PSRC1: variants seen among roughly 807,000 people sequenced by gnomAD.
The protein encoded by PSRC1 is proline and serine rich coiled-coil 1.
Under a neutral mutation model 31.9 loss-of-function variants are expected in PSRC1, and 30 were observed. The observed-to-expected ratio is 0.94, with a 90% CI of 0.70 to 1.28. PSRC1 has a LOEUF of 1.28. Among genes scored for constraint, PSRC1 ranks in the 50% most tolerant of loss-of-function variants. The pLI is 0.00. For missense variants in PSRC1, 481 were observed against 472.8 expected, an observed-to-expected ratio of 1.02 and a Z score of -0.16; for synonymous variants, 191 against 192.1, an observed-to-expected ratio of 0.99 and a Z score of 0.05.
chr1:109,281,949 C>A, exon 4 of PSRC1: 15 of 1,563,250 alleles, frequency 9.6e-6, no homozygotes, highest in Non-Finnish European at 1.2e-5. Context: ...CTAGGCTGAG[C>A]CTCACACCCT....
In PSRC1 at chr1:109,280,160, A is replaced by G; in HGVS notation, c.1089-4T>C. On this transcript the variant is annotated splice_region_variant and splice_polypyrimidine_tract_variant and intron_variant, in intron 6 of 6. Transcript: ENST00000409138. ...CTTGCTGTCCTGATCTCTTTACCTA[A>G]AGAAATAGAAGGAATAACTGCTTTA... 1 of 1,613,454 alleles carries G rather than the reference A, an allele frequency of 6.2e-7. No individual in the cohort carries two copies. Among genetic ancestry groups the G allele is most frequent in the Non-Finnish European group, 8.5e-7 (1 of 1,179,936 alleles).
Position 109,280,844 on chromosome 1 carries a change from CAG to C in PSRC1, c.925_926del (p.Leu309ValfsTer66). 2 of 1,612,076 alleles carry C rather than the reference CAG, an allele frequency of 1.2e-6. No individual in the cohort carries two copies. Among genetic ancestry groups the C allele is most frequent in the Non-Finnish European group, 1.7e-6 (2 of 1,178,586 alleles). On this transcript the variant is annotated frameshift_variant, in exon 5 of 7. Coordinates refer to ENST00000409138, the Ensembl canonical transcript of PSRC1. LOFTEE classifies it high-confidence loss of function. ...GTCTTGGAAGCCCTTTTCGAGTTGA[CAG>C]AGAATCCGGAGGTAGGGCACCTCTG...
intron 1 of PSRC1, 138 bp downstream of exon 1, chr1:109,282,925 C>T (rs1657428602): frequency 1.6e-6 from 1 of 613,698 alleles, no homozygotes; most frequent in East Asian, 2.8e-5. Flanking sequence ...CCCAGATTGC[C>T]CTGGAGCCGC....
intron 3 of PSRC1, 53 bp downstream of exon 3, chr1:109,282,465 C>G (rs2101404756): frequency 3.9e-6 from 6 of 1,533,692 alleles, no homozygotes; most frequent in Non-Finnish European, 5.4e-6. Context: ...GTAAGGGATT[C>G]GAGACAAAGA....
intron 5 of PSRC1, 130 bp downstream of exon 6, chr1:109,280,647 C>A: frequency 1.0e-6 from 1 of 968,096 alleles, no homozygotes; most frequent in Non-Finnish European, 1.5e-6. Context: ...CCCATATCCT[C>A]TCTGTAACTC....
exon 4 of PSRC1, chr1:109,281,890 C>A: frequency 6.2e-7 from 1 of 1,611,510 alleles, no homozygotes; most frequent in Middle Eastern, 1.7e-4. Flanking sequence ...AGCGGCCAGC[C>A]GGTTGGCCTC....
rs762396419 is a variant in PSRC1, at chr1:109,279,886, A to ACCT, written c.*266_*267insAGG. On this transcript the variant is annotated 3_prime_UTR_variant, in exon 7 of 7. Transcript: ENST00000409138. ...GACAAACCACTTGCCTGTACTTCTCATCTTCTATTTGTTCATTTCACTGCT... is the reference window on the plus strand; with the variant it reads ...GACAAACCACTTGCCTGTACTTCTCACCTTCTTCTATTTGTTCATTTCACTGCT... The ACCT allele has an allele frequency of 8.8e-4, 479 of 541,598 alleles. 6 individuals carry two copies. The highest frequency in any genetic ancestry group is 1.5e-4 in the Non-Finnish European group (44 of 300,216). 33.5% of individuals were successfully genotyped at this position (541,598 alleles called of 1,614,324 possible).
intron 4 of PSRC1, 54 bp from the exon 5 acceptor site, chr1:109,281,305 T>A: frequency 7.1e-7 from 1 of 1,417,180 alleles, no homozygotes; most frequent in Non-Finnish European, 9.5e-7. Flanking sequence ...ATATCTGTTC[T>A]GTGGCTTAAG....
chr1:109,282,376 GC>G, intron 3 of PSRC1, 141 bp downstream of exon 3: 1 of 716,062 alleles, frequency 1.4e-6, no homozygotes. Context: ...TGTCATAGAG[GC>G]CCGAGTCAGC....
chr1:109,282,593 A>G lies in PSRC1; in HGVS notation c.20-18T>C, dbSNP rs773871765. On this transcript the variant is annotated intron_variant, in intron 2 of 6. Transcript: ENST00000409138. The stretch of plus-strand genomic sequence containing the variant: ...CCTTACATCTGAAGGGGAAAGAAGA[A>G]TGAAAGCCAGTCATGGGTCCCTGAT... 6.2e-7 allele frequency: 1 copy of G among 1,613,530 alleles called. No individual in the cohort carries two copies. The highest frequency in any genetic ancestry group is 8.5e-7 in the Non-Finnish European group (1 of 1,179,892).
chr1:109,281,963 G>A, exon 4 of PSRC1: 1 of 1,541,132 alleles, frequency 6.5e-7, no homozygotes, highest in East Asian at 2.3e-5. Context: ...ACACCCTGGG[G>A]GGCAGGTGCC....
intron 1 of PSRC1, 149 bp from the exon 2 acceptor site, chr1:109,282,885 C>T (rs1657416979): frequency 1.4e-6 from 1 of 692,890 alleles, no homozygotes; most frequent in Non-Finnish European, 2.4e-6. Flanking sequence ...CTGCTACCTC[C>T]GGGAACGATA....
Position 109,280,754 on chromosome 1 carries a change from C to A in PSRC1, c.994+23G>T, listed in dbSNP as rs369340326. The A allele has an allele frequency of 5.4e-5, 82 of 1,529,900 alleles. No individual in the cohort carries two copies. In the African/African-American group the frequency reaches 1.1e-3, roughly 20 times the overall value. The allele number at this position is 1,529,900 out of a possible 1,614,324, so 94.8% of individuals were successfully genotyped here. A position where few individuals can be genotyped will look rare whatever the true frequency, so the allele number is the denominator to read the frequency against. On this transcript the variant is annotated intron_variant, in intron 5 of 6. Coordinates refer to ENST00000409138, the Ensembl canonical transcript of PSRC1. The stretch of plus-strand genomic sequence containing the variant: ...TGAGGACACGCTGGGCAAGGGCGGG[C>A]ATTCTTCCTCCTGACCTCTTACCCT...
chr1:109,281,822 G>A (rs201898139), exon 4 of PSRC1: 79 of 1,613,874 alleles, frequency 4.9e-5, no homozygotes, highest in African/African-American at 3.7e-4. Flanking sequence ...TTCACTCGGC[G>A]AGGCCCCAGG....
At chr1:109,281,479 T>C in intron 4 of PSRC1, 140 bp downstream of exon 4, 1 of 893,656 alleles carries the variant, frequency 1.1e-6, no homozygotes, top group Non-Finnish European at 1.7e-6. Flanking sequence ...TTTGGTTCTC[T>C]TTTTTCATGG....
rs547156607 is a variant in PSRC1, at chr1:109,281,098, T to C, written c.673A>G (p.Ser225Gly). Residue 225 changes from serine to glycine, a missense_variant, in exon 5 of 7, where the codon AGT (serine) becomes GGT (glycine). Coordinates refer to ENST00000409138, the Ensembl canonical transcript of PSRC1. ...AGGGTCAATCCCACAAACTCCCCAC[T>C]CCCACTCACCCGCAACTTGGCTGCT... 1.9e-6 allele frequency: 3 copies of C among 1,613,358 alleles called. No individual in the cohort carries two copies. In the African/African-American group the frequency reaches 4.0e-5, roughly 22 times the overall value.
At position 109,280,895 on chromosome 1, in the gene PSRC1, G is replaced by A. The variant is rs759501505; in HGVS notation, c.876C>T (p.Leu292=). ...TGCCAGGTGGCACACTCCGGCTGGT[G>A]AGTGGCATTCGGCTGGCAGGCCTGG... is the stretch of plus-strand genomic sequence containing the variant. The change falls in exon 5 of 7, where the codon CTC becomes CTT. Residue 292 remains leucine (L), a synonymous_variant. Transcript: ENST00000409138. The A allele has an allele frequency of 1.1e-5, 17 of 1,614,160 alleles. No homozygotes were observed. In the East Asian group the frequency reaches 3.8e-4, roughly 36 times the overall value.
exon 5 of PSRC1, chr1:109,281,248 A>C: frequency 6.3e-7 from 1 of 1,585,972 alleles, no homozygotes; most frequent in South Asian, 1.1e-5. Context: ...CAAGTGGGTG[A>C]CTCCTGAAAC....
exon 7 of PSRC1, chr1:109,279,996 C>T: frequency 2.2e-6 from 2 of 894,938 alleles, no homozygotes; most frequent in Non-Finnish European, 3.7e-6. Context: ...ACCCCATTTC[C>T]CATGGTCTCT....
Sources: gnomAD v4.1 joint callset for allele counts on GRCh38, gnomAD v4.1.1 for gene constraint, MANE v1.5 for transcripts, NCBI Gene and HGNC (gene_info 2026-07-23, HGNC 2026-07-21) for gene names.